Variants in CERT1 observed in about 807,000 individuals in gnomAD.
CERT1 encodes the protein ceramide transporter 1.
A neutral mutation model predicts 87.9 loss-of-function variants in CERT1; 31 were observed. That is an observed-to-expected ratio of 0.35 (90% CI 0.27 to 0.48). CERT1 has a LOEUF of 0.48. CERT1 is among the 20% of genes least tolerant of loss of function. The pLI is 0.99. For synonymous variants in CERT1, 289 were observed against 250.9 expected, an observed-to-expected ratio of 1.15 and a Z score of -1.44; for missense variants, 487 against 758.0, an observed-to-expected ratio of 0.64 and a Z score of 4.20.
At chr5:75,381,645 T>C (rs1300470585) in intron 15 of CERT1, among the ~76,000 whole-genome samples, 2 of 152,188 alleles carry the variant, frequency 1.3e-5, no homozygotes, top group Non-Finnish European at 2.9e-5. Context: ...TGGCTGGCAG[T>C]TGATAACGGC....
intron 15 of CERT1, among the ~76,000 whole-genome samples, chr5:75,381,734 G>C (rs1371173786): frequency 6.6e-6 from 1 of 151,960 alleles, no homozygotes; most frequent in African/African-American, 2.4e-5. Context: ...ACATTAGAAG[G>C]AAAGGTAAAC....
At chr5:75,389,566 A>G (rs779712771) in intron 12 of CERT1, 26 bp downstream of exon 12, 33 of 1,570,054 alleles carry the variant, frequency 2.1e-5, no homozygotes, top group Non-Finnish European at 2.7e-5. Flanking sequence ...GCCTTTGGCA[A>G]TCTATAACAT....
intron 7 of CERT1, among the ~76,000 whole-genome samples, chr5:75,415,310 C>A (rs1412632489): frequency 6.6e-6 from 1 of 152,112 alleles, no homozygotes; most frequent in Non-Finnish European, 1.5e-5. Context: ...CTATAAAACA[C>A]AGTAGTGTCC....
intron 2 of CERT1, among the ~76,000 whole-genome samples, chr5:75,461,317 A>C (rs1386736094): frequency 6.6e-6 from 1 of 152,192 alleles, no homozygotes; most frequent in African/African-American, 2.4e-5. Context: ...TGTGTATACA[A>C]AGGATCTAGG....
chr5:75,377,015 G>T (rs1761343397), downstream of CERT1: 1 of 152,160 alleles, frequency 6.6e-6, no homozygotes, highest in African/African-American at 2.4e-5. Flanking sequence ...AGGTGAGAAT[G>T]AGAGAATATT....
chr5:75,447,300 G>A (rs1764585603), intron 3 of CERT1, among the ~76,000 whole-genome samples: 1 of 151,972 alleles, frequency 6.6e-6, no homozygotes, highest in Admixed American at 6.5e-5. Context: ...CAGATTCTGG[G>A]TGCTTCCTGC....
chr5:75,447,280 G>A (rs1011696093), intron 3 of CERT1, among the ~76,000 whole-genome samples: 1 of 152,032 alleles, frequency 6.6e-6, no homozygotes, highest in Non-Finnish European at 1.5e-5. Flanking sequence ...TTGTTGTCTA[G>A]GTGGGGAGAC....
chr5:75,463,978 C>T (rs1196964509), intron 2 of CERT1, among the ~76,000 whole-genome samples: 1 of 152,022 alleles, frequency 6.6e-6, no homozygotes, highest in African/African-American at 2.4e-5. Context: ...TTTGATACTA[C>T]CTGGGAGGCC....
chr5:75,384,798 G>T, intron 13 of CERT1, 86 bp from the exon 14 acceptor site: 2 of 839,604 alleles, frequency 2.4e-6, no homozygotes, highest in South Asian at 3.0e-5. Context: ...AGTACGAATG[G>T]ACAGTATGGT....
At chr5:75,405,883 G>C (rs1294341088) in intron 8 of CERT1, among the ~76,000 whole-genome samples, 4 of 151,042 alleles carry the variant, frequency 2.6e-5, no homozygotes, top group Non-Finnish European at 4.4e-5. Context: ...GGGGGGGGGG[G>C]GGGTCTTGTA....
intron 2 of CERT1, among the ~76,000 whole-genome samples, chr5:75,503,104 A>G (rs1305861696): frequency 6.6e-6 from 1 of 152,036 alleles, no homozygotes; most frequent in African/African-American, 2.4e-5. Context: ...CAGATAAAGA[A>G]TATTGTTTTT....
chr5:75,501,931 A>G (rs967630284), intron 2 of CERT1, among the ~76,000 whole-genome samples: 2 of 152,200 alleles, frequency 1.3e-5, no homozygotes, highest in Admixed American at 1.3e-4. Context: ...ACACCTATCT[A>G]AACAAGTAAA....
chr5:75,429,186 A>G (rs1329334534), intron 3 of CERT1, among the ~76,000 whole-genome samples: 2 of 146,872 alleles, frequency 1.4e-5, no homozygotes, highest in Non-Finnish European at 3.0e-5. Flanking sequence ...AATAATAATA[A>G]TAATAATAAT....
At chr5:75,466,918 C>A (rs575846186) in intron 2 of CERT1, among the ~76,000 whole-genome samples, 1 of 152,338 alleles carries the variant, frequency 6.6e-6, no homozygotes, top group South Asian at 2.1e-4. Context: ...ACACTTTCTG[C>A]TAAAATATCT....
chr5:75,403,192 T>C (rs1762567873), intron 8 of CERT1, 134 bp from the exon 9 acceptor site: 1 of 639,254 alleles, frequency 1.6e-6, no homozygotes, highest in Admixed American at 2.7e-5. Flanking sequence ...AAGCAGTCAG[T>C]ATACTAGATC....
At chr5:75,501,711 T>C (rs1374343634) in intron 2 of CERT1, among the ~76,000 whole-genome samples, 1 of 152,114 alleles carries the variant, frequency 6.6e-6, no homozygotes, top group African/African-American at 2.4e-5. Context: ...CCGTAATATA[T>C]GATGAAAGTG....
rs1038642627 is a variant in CERT1, at chr5:75,460,913, C to T, written c.232-1732G>A. ...TATGTGCTGGACAATAATAAACCTA[C>T]AAATGAGAAGTAGAGTGTGCTAGAA... On this transcript the variant is annotated intron_variant, in intron 2 of 16. Transcript: ENST00000643780. 3.9e-5 allele frequency among the ~76,000 whole-genome samples: 6 copies of T among 152,066 alleles called. No individual in the cohort carries two copies. The South Asian group carries it at 8.3e-4, about 21-fold the overall frequency.
chr5:75,395,067 A>T (rs1261204095), intron 11 of CERT1, among the ~76,000 whole-genome samples: 1 of 152,224 alleles, frequency 6.6e-6, no homozygotes, highest in Non-Finnish European at 1.5e-5. Flanking sequence ...TCCTATGGAC[A>T]AAGGGTGGGA....
In CERT1 at chr5:75,385,920, C is replaced by T. The variant is rs370676044; in HGVS notation, c.1399G>A (p.Val467Ile). 4.5e-6 allele frequency: 7 copies of T among 1,547,024 alleles called. No homozygotes were observed. Among genetic ancestry groups the T allele is most frequent in the African/African-American group, 2.8e-5 (2 of 72,306 alleles). Residue 467 changes from valine (V) to isoleucine (I), a missense_variant, in exon 13 of 17, where the codon GTT becomes ATT. Physicochemically the swap from Val to Ile is conservative, Grantham distance 29. Coordinates refer to ENST00000643780, the MANE Select transcript of CERT1 (RefSeq NM_001379029.1). ...AGCTTACTTTCCCAGTCATTGCGAA[C>T]GTCAACATTCCAGAAATAATTGCAG... The part of the protein sequence containing the change: ...EVCNYFWNVD[V>I]RNDWETTIEN...
Sources: allele counts gnomAD v4.1 joint callset (sites outside exome capture counted in the v4.1 genomes callset), GRCh38; gene constraint gnomAD v4.1.1; transcripts MANE v1.5; gene names NCBI Gene and HGNC (gene_info 2026-07-23, HGNC 2026-07-21).